The following TNRC6B variants were observed in gnomAD, a reference collection of about 807,000 sequenced individuals.
TNRC6B encodes the protein trinucleotide repeat-containing gene 6B protein.
Under a neutral mutation model 203.6 loss-of-function variants are expected in TNRC6B, and 52 were observed. That is an observed-to-expected ratio of 0.26 (90% confidence interval 0.20 to 0.32). The LOEUF (loss-of-function observed/expected upper bound fraction) is 0.32. Ranked by LOEUF, TNRC6B falls within the 10% of genes least tolerant of loss-of-function variation. The pLI, the probability that TNRC6B is intolerant of heterozygous loss-of-function variation, is 1.00. For missense variants in TNRC6B, 1,923 were observed against 2,286.2 expected (o/e 0.84, Z 3.24); for synonymous variants, 838 against 845.7 (o/e 0.99, Z 0.16).
chr22:40,315,104 A>G (rs1263775696), intron 19 of TNRC6B, among the ~76,000 whole-genome samples, 179 bp from the exon 20 acceptor site: 2 of 152,142 alleles, frequency 1.3e-5, no homozygotes, highest in Non-Finnish European at 2.9e-5. Flanking sequence ...TGAAAATTTT[A>G]TGTTCGTTAT....
chr22:40,170,473 T>A (rs12628055), intron 4 of TNRC6B, among the ~76,000 whole-genome samples: 29 of 18,230 alleles, frequency 1.6e-3, no homozygotes, highest in Admixed American at 2.0e-3. Context: ...TATATATATA[T>A]TATATATATA....
At chr22:40,184,378 T>G (rs1472277367) in intron 1 of TNRC6B, among the ~76,000 whole-genome samples, 1 of 152,130 alleles carries the variant, frequency 6.6e-6, no homozygotes, top group African/African-American at 2.4e-5. Context: ...ATTGGCATAT[T>G]TGGGGAACAG....
chr22:40,125,563 C>T (rs1051506296), intron 2 of TNRC6B, among the ~76,000 whole-genome samples: 5 of 152,196 alleles, frequency 3.3e-5, no homozygotes, highest in African/African-American at 1.2e-4. Context: ...CCTTCTCCCC[C>T]AAGATGGGAA....
At chr22:40,123,399 G>A (rs1290861141) in intron 2 of TNRC6B, among the ~76,000 whole-genome samples, 1 of 152,188 alleles carries the variant, frequency 6.6e-6, no homozygotes, top group African/African-American at 2.4e-5. Context: ...ATCCAGAAAG[G>A]ATGAAAGTAA....
chr22:40,180,778 A>G (rs943944211), intron 1 of TNRC6B, among the ~76,000 whole-genome samples: 9 of 152,240 alleles, frequency 5.9e-5, no homozygotes, highest in Admixed American at 2.6e-4. Flanking sequence ...ATGAAGAGCA[A>G]TATCCAGGGG....
chr22:40,210,017 C>CA (rs34603156), intron 1 of TNRC6B, among the ~76,000 whole-genome samples: 87,633 of 132,530 alleles, frequency 0.66, 29,287 homozygotes, highest in African/African-American at 0.85. Context: ...GACTCTGTCT[C>CA]AAAAAAAAAA....
At chr22:40,171,703 C>G (rs1455335796) in intron 4 of TNRC6B, among the ~76,000 whole-genome samples, 1 of 152,156 alleles carries the variant, frequency 6.6e-6, no homozygotes, top group East Asian at 1.9e-4. Flanking sequence ...TGACTTTCCA[C>G]TATTCCAAAA....
chr22:40,268,916 AAATAAT>A lies in TNRC6B; in HGVS notation c.2807-1181_2807-1176del, dbSNP rs150587701. Among the ~76,000 whole-genome samples, 571 of 148,756 alleles carry A rather than the reference AAATAAT, an allele frequency of 3.8e-3. 2 individuals are homozygous for A. Among genetic ancestry groups the A allele is most frequent in the Non-Finnish European group, 5.8e-3 (389 of 67,246 alleles). On this transcript the variant is annotated intron_variant, in intron 5 of 22. Coordinates refer to ENST00000454349, the MANE Select transcript of TNRC6B (RefSeq NM_001162501.2). Reference sequence around the variant, plus strand: ...CGACAGAGCAAGACTCCGTCTCAAAAAATAATAATAATAATAATAATAATAATAATC... The same window carrying A: ...CGACAGAGCAAGACTCCGTCTCAAAAAATAATAATAATAATAATAATAATC...
intron 2 of TNRC6B, among the ~76,000 whole-genome samples, chr22:40,121,175 A>C (rs2068441189): frequency 6.6e-6 from 1 of 152,132 alleles, no homozygotes; most frequent in African/African-American, 2.4e-5. Context: ...TTAACCAGTA[A>C]GTCTAGGTCA....
intron 20 of TNRC6B, 78 bp from the exon 21 acceptor site, chr22:40,315,864 A>G (rs1601517807): frequency 2.7e-6 from 3 of 1,097,178 alleles, no homozygotes; most frequent in African/African-American, 1.6e-5. Context: ...TGTGAGCTAC[A>G]TGAAAATCTT....
intron 1 of TNRC6B, among the ~76,000 whole-genome samples, chr22:40,221,927 T>A (rs930077907): frequency 5.9e-5 from 9 of 152,012 alleles, no homozygotes; most frequent in Admixed American, 3.3e-4. Flanking sequence ...AATGGAAGGA[T>A]CTTAATGCTT....
Position 40,262,058 on chromosome 22 carries a change from C to G in TNRC6B, c.342C>G (p.Ser114=). Residue 114 remains serine, a synonymous_variant, in exon 4 of 23, where the codon TCC becomes TCG. Coordinates refer to ENST00000454349, the MANE Select transcript of TNRC6B (RefSeq NM_001162501.2). ...AACGTGGGCAGCCCCCTCCACCGTC[C>G]TGCATGCTCCTTGGGGGTGGGGCAG... is the stretch of plus-strand genomic sequence containing the variant. The part of the protein sequence containing the change: ...LLKRGQPPPP[S]CMLLGGGAGP... 1 of 1,588,866 alleles carries G rather than the reference C, an allele frequency of 6.3e-7. No homozygotes were observed. Among genetic ancestry groups the G allele is most frequent in the Non-Finnish European group, 8.6e-7 (1 of 1,163,448 alleles).
chr22:40,167,704 CAAAAAAA>C (rs58022219), intron 4 of TNRC6B, among the ~76,000 whole-genome samples: 6 of 58,980 alleles, frequency 1.0e-4, no homozygotes, highest in East Asian at 1.2e-3. Flanking sequence ...CCATCGCTAC[CAAAAAAA>C]AAAAAAAAAA....
At chr22:40,149,804 CT>C (rs915474758) in intron 3 of TNRC6B, among the ~76,000 whole-genome samples, 32 of 142,974 alleles carry the variant, frequency 2.2e-4, no homozygotes, top group African/African-American at 2.1e-4. Context: ...AAAAATTGTA[CT>C]TTTTTTTTTA....
chr22:40,335,609 A>G lies in TNRC6B; in HGVS notation c.*12368A>G, dbSNP rs2044024332. 6.6e-6 allele frequency: 1 copy of G among 151,816 alleles called. No homozygotes were observed. The allele number at this position is 151,816 out of a possible 1,614,324, so 9.4% of individuals were successfully genotyped here. ...AACTGAGAGATGATGTAATGCATAT[A>G]TAAGAGTTTTCTGAAGGGTTTTTTT... On this transcript the variant is annotated 3_prime_UTR_variant, in exon 23 of 23. Transcript: ENST00000454349.
At chr22:40,183,565 A>T (rs1056583421) in intron 1 of TNRC6B, among the ~76,000 whole-genome samples, 1 of 152,172 alleles carries the variant, frequency 6.6e-6, no homozygotes, top group Admixed American at 6.5e-5. Flanking sequence ...GTTCTCAGCA[A>T]TTTCAAATGA....
intron 1 of TNRC6B, among the ~76,000 whole-genome samples, chr22:40,047,948 G>A (rs2067705733): frequency 7.6e-6 from 1 of 132,266 alleles, no homozygotes; most frequent in Non-Finnish European, 1.7e-5. Flanking sequence ...CATTTTAGTC[G>A]TTGAATTGTG....
At chr22:40,303,382 G>A (rs369246152) in intron 15 of TNRC6B, among the ~76,000 whole-genome samples, 55 of 151,966 alleles carry the variant, frequency 3.6e-4, no homozygotes, top group Non-Finnish European at 5.4e-4. Flanking sequence ...ACATATATAC[G>A]TATTTACTGA....
intron 1 of TNRC6B, among the ~76,000 whole-genome samples, chr22:40,091,331 G>C (rs1029231462): frequency 1.1e-4 from 16 of 152,068 alleles, no homozygotes; most frequent in Non-Finnish European, 5.9e-5. Context: ...TATACAAACA[G>C]ATCTGGCTTC....
Sources: allele counts gnomAD v4.1 joint callset (sites outside exome capture counted in the v4.1 genomes callset), GRCh38; gene constraint gnomAD v4.1.1; transcripts MANE v1.5; gene names NCBI Gene and HGNC (gene_info 2026-07-23, HGNC 2026-07-21).